ACCSL: variants seen among roughly 807,000 people sequenced by gnomAD.
ACCSL encodes the protein probable inactive 1-aminocyclopropane-1-carboxylate synthase-like protein 2.
A neutral mutation model predicts 61.7 loss-of-function variants in ACCSL; 55 were observed. The observed-to-expected ratio is 0.89, with a 90% CI of 0.72 to 1.12. The LOEUF (loss-of-function observed/expected upper bound fraction) is 1.12. ACCSL is among the 50% of genes most tolerant of loss of function. The probability of loss-of-function intolerance (pLI) is 0.00; values close to 1 mark genes in which losing one functional copy is unlikely to be tolerated. For synonymous variants in ACCSL, 258 were observed against 264.3 expected (o/e 0.98, Z 0.23); for missense variants, 632 against 698.0 (o/e 0.91, Z 1.07).
chr11:44,029,883 AC>A, the ACCSL span, among the ~76,000 whole-genome samples: 1 of 151,220 alleles, frequency 6.6e-6, no homozygotes, highest in African/African-American at 2.4e-5. Flanking sequence ...CAAGGGGATA[AC>A]TTTTGTATAA....
chr11:43,983,587 G>T, the ACCSL span, among the ~76,000 whole-genome samples: 20,725 of 152,092 alleles, frequency 0.14, 1,529 homozygotes, highest in Non-Finnish European at 0.17. Context: ...TGAACAGATC[G>T]AGGTATTACA....
the ACCSL span, among the ~76,000 whole-genome samples, chr11:43,998,321 A>T: frequency 1.3e-3 from 195 of 152,224 alleles, 2 homozygotes; most frequent in African/African-American, 4.6e-3. Context: ...TTAGATTCTT[A>T]CCTGAGCCCC....
At chr11:43,960,795 G>T in the ACCSL span, among the ~76,000 whole-genome samples, 1 of 151,980 alleles carries the variant, frequency 6.6e-6, no homozygotes, top group South Asian at 2.1e-4. Context: ...TTTCTATTCT[G>T]ATCTAGTTTT....
chr11:44,018,888 G>A, the ACCSL span, among the ~76,000 whole-genome samples: 1 of 152,166 alleles, frequency 6.6e-6, no homozygotes, highest in Non-Finnish European at 1.5e-5. Flanking sequence ...TCACAAAATT[G>A]TGCAATTATC....
chr11:43,987,079 C>T, the ACCSL span, among the ~76,000 whole-genome samples: 51 of 151,500 alleles, frequency 3.4e-4, no homozygotes, highest in Admixed American at 6.6e-4. Flanking sequence ...AGTGACCTGC[C>T]CCCCACCCCC....
the ACCSL span, among the ~76,000 whole-genome samples, chr11:43,937,351 G>A: frequency 6.6e-6 from 1 of 152,208 alleles, no homozygotes; most frequent in Non-Finnish European, 1.5e-5. Flanking sequence ...AGACTGAGGG[G>A]CAGCCGTCAG....
chr11:44,052,206 C>A (rs866555293), intron 5 of ACCSL, among the ~76,000 whole-genome samples: 1 of 152,248 alleles, frequency 6.6e-6, no homozygotes, highest in Non-Finnish European at 1.5e-5. Flanking sequence ...CCCTTTCCTG[C>A]AAAGGAGCTT....
chr11:44,001,650 A>G, the ACCSL span, among the ~76,000 whole-genome samples: 116 of 151,448 alleles, frequency 7.7e-4, no homozygotes, highest in African/African-American at 2.5e-3. Flanking sequence ...GATCCTGCCC[A>G]CTCGCCTTCT....
the ACCSL span, among the ~76,000 whole-genome samples, chr11:43,977,370 T>G: frequency 6.6e-6 from 1 of 152,186 alleles, no homozygotes; most frequent in Non-Finnish European, 1.5e-5. Flanking sequence ...CAAGGGTCTT[T>G]AAATGGGGAT....
At chr11:43,965,783 A>G in the ACCSL span, among the ~76,000 whole-genome samples, 1 of 152,354 alleles carries the variant, frequency 6.6e-6, no homozygotes, top group East Asian at 1.9e-4. Context: ...TTGCGAGTTC[A>G]TAAATAAACC....
chr11:43,964,394 G>A, the ACCSL span, among the ~76,000 whole-genome samples: 3 of 149,660 alleles, frequency 2.0e-5, no homozygotes, highest in African/African-American at 7.4e-5. Context: ...CCCAGATCAC[G>A]CCACTGTGCT....
chr11:43,942,035 CGTGT>C, the ACCSL span, among the ~76,000 whole-genome samples: 15,109 of 89,180 alleles, frequency 0.17, 812 homozygotes, highest in Non-Finnish European at 0.2. Context: ...TGCATTCGTG[CGTGT>C]GTGTGTGTGT....
chr11:43,969,186 CA>C, the ACCSL span, among the ~76,000 whole-genome samples: 1 of 151,670 alleles, frequency 6.6e-6, no homozygotes, highest in Non-Finnish European at 1.5e-5. Flanking sequence ...CCATCTCTAC[CA>C]AAAAAACAAA....
chr11:44,003,733 T>C, the ACCSL span, among the ~76,000 whole-genome samples: 1 of 152,082 alleles, frequency 6.6e-6, no homozygotes. Context: ...CGAAATTCTA[T>C]CCCCACTGGA....
At chr11:44,038,654 G>A in the ACCSL span, among the ~76,000 whole-genome samples, 2 of 152,088 alleles carry the variant, frequency 1.3e-5, no homozygotes, top group Non-Finnish European at 2.9e-5. Context: ...AAGGATGAGA[G>A]TAGGGAGCTA....
At chr11:44,038,753 CTT>C in the ACCSL span, among the ~76,000 whole-genome samples, 1 of 152,200 alleles carries the variant, frequency 6.6e-6, no homozygotes, top group Non-Finnish European at 1.5e-5. Flanking sequence ...GGCAAAATGA[CTT>C]TGCTTGGCTG....
At chr11:43,935,305 G>T in the ACCSL span, among the ~76,000 whole-genome samples, 7 of 152,204 alleles carry the variant, frequency 4.6e-5, no homozygotes, top group African/African-American at 1.7e-4. Flanking sequence ...CACCCAAAGT[G>T]TAGATCGACC....
chr11:43,955,855 A>G, the ACCSL span, among the ~76,000 whole-genome samples: 1 of 151,890 alleles, frequency 6.6e-6, no homozygotes, highest in Non-Finnish European at 1.5e-5. Context: ...GGCTTTCATT[A>G]GCCTTAGTCA....
chr11:43,999,795 T>C, the ACCSL span, among the ~76,000 whole-genome samples: 2 of 152,086 alleles, frequency 1.3e-5, no homozygotes, highest in Non-Finnish European at 2.9e-5. Context: ...TCCCATGTAG[T>C]AGGTATAATC....
Sources: gnomAD v4.1 joint callset for allele counts (sites outside exome capture counted in the v4.1 genomes callset) on GRCh38, gnomAD v4.1.1 for gene constraint, MANE v1.5 for transcripts, NCBI Gene and HGNC (gene_info 2026-07-23, HGNC 2026-07-21) for gene names.